NCK2: variants seen among roughly 807,000 people sequenced by gnomAD.
The protein encoded by NCK2 is NCK adaptor protein 2, also known as cytoplasmic protein NCK2.
In NCK2, 16 loss-of-function variants were observed where a neutral mutation model predicts 33.9. That is an observed-to-expected ratio of 0.47 (90% confidence interval 0.32 to 0.72). NCK2 has a LOEUF of 0.72. Ranked by LOEUF, NCK2 falls within the 30% of genes least tolerant of loss-of-function variation. NCK2 has a pLI of 0.03. For synonymous variants in NCK2, 273 were observed against 239.9 expected, an observed-to-expected ratio of 1.14 and a Z score of -1.27; for missense variants, 418 against 537.3, an observed-to-expected ratio of 0.78 and a Z score of 2.19.
intron 3 of NCK2, among the ~76,000 whole-genome samples, chr2:105,867,653 G>T (rs750553259): frequency 5.3e-5 from 8 of 152,188 alleles, no homozygotes; most frequent in Non-Finnish European, 8.8e-5. Context: ...GTTCACAGTG[G>T]GGTGTGTGGG....
intron 2 of NCK2, among the ~76,000 whole-genome samples, chr2:105,817,689 C>T (rs1033316739): frequency 6.6e-5 from 10 of 152,170 alleles, no homozygotes; most frequent in Admixed American, 5.2e-4. Context: ...TGCTCATCAT[C>T]ACTGGCCATC....
rs1178351596 is a variant in NCK2 at position 105,881,521 on chromosome 2, C to T, written c.420C>T (p.Val140=). 1.9e-6 allele frequency: 3 copies of T among 1,613,944 alleles called. No individual in the cohort carries two copies. Among genetic ancestry groups the T allele is most frequent in the Non-Finnish European group, 2.5e-6 (3 of 1,180,022 alleles). Residue 140 remains valine, a synonymous_variant, in exon 4 of 5, where the codon GTC becomes GTT. Coordinates refer to ENST00000233154, the MANE Select transcript of NCK2 (RefSeq NM_003581.5). Reference sequence around the variant, plus strand: ...TGGTGAAGGGGTCGCGCGTCACCGTCATGGAGAAGTGCAGCGACGGTTGGT... The same window carrying T: ...TGGTGAAGGGGTCGCGCGTCACCGTTATGGAGAAGTGCAGCGACGGTTGGT... ...LSLVKGSRVT[V]MEKCSDGWWR...
rs4012805 is a variant in NCK2, at chr2:105,893,999, G to GCACA, written c.*841_*844dup. ...CAACACTTTATACACACACACACGT[G>GCACA]CACACACACACACACACACACTATA... On this transcript the variant is annotated 3_prime_UTR_variant, in exon 5 of 5. Coordinates refer to ENST00000233154, the MANE Select transcript of NCK2 (RefSeq NM_003581.5). The GCACA allele has an allele frequency of 0.35, 52,575 of 149,250 alleles. 9,566 individuals are homozygous for GCACA. Among genetic ancestry groups the GCACA allele is most frequent in the South Asian group, 0.45 (2,094 of 4,692 alleles). 9.2% of individuals were successfully genotyped at this position (149,250 alleles called of 1,614,324 possible).
chr2:105,869,323 C>G (rs1677894274), intron 3 of NCK2, among the ~76,000 whole-genome samples: 1 of 152,190 alleles, frequency 6.6e-6, no homozygotes, highest in Non-Finnish European at 1.5e-5. Context: ...GCAGCCATCA[C>G]CTGGGCTCCT....
At chr2:105,879,877 C>G (rs1297381685) in intron 3 of NCK2, among the ~76,000 whole-genome samples, 1 of 152,196 alleles carries the variant, frequency 6.6e-6, no homozygotes, top group Non-Finnish European at 1.5e-5. Flanking sequence ...CATGGAAGTG[C>G]TTGGAGGAAG....
rs184932336 is a variant in NCK2, at chr2:105,806,517, C to T, written c.-200-9913C>T. Among the ~76,000 whole-genome samples the T allele has an allele frequency of 9.1e-4, 139 of 152,314 alleles. 1 individual carries two copies. The highest frequency in any genetic ancestry group is 1.8e-3 in the Non-Finnish European group (121 of 68,018). On this transcript the variant is annotated intron_variant, in intron 1 of 4. Transcript: ENST00000233154. The stretch of plus-strand genomic sequence containing the variant: ...CCTCCCAAAGTGCTGGGATTACAGG[C>T]GTGAGCCACCACTCCCGGCCACATA...
chr2:105,799,913 T>C (rs1187115126), intron 1 of NCK2, among the ~76,000 whole-genome samples: 1 of 152,164 alleles, frequency 6.6e-6, no homozygotes, highest in Non-Finnish European at 1.5e-5. Context: ...TTTTTAACAG[T>C]GAGAGAAACA....
intron 3 of NCK2, among the ~76,000 whole-genome samples, chr2:105,864,089 T>G (rs941994630): frequency 6.6e-6 from 1 of 151,508 alleles, no homozygotes; most frequent in African/African-American, 2.4e-5. Flanking sequence ...GCAAGAGGGC[T>G]GGGGCAGCCT....
chr2:105,864,196 G>A (rs1424621876), intron 3 of NCK2, among the ~76,000 whole-genome samples: 1 of 152,054 alleles, frequency 6.6e-6, no homozygotes, highest in Non-Finnish European at 1.5e-5. Context: ...GTGCTGGGGT[G>A]TCCGGCAGGG....
chr2:105,883,156 G>A (rs1678577784), intron 4 of NCK2, among the ~76,000 whole-genome samples: 1 of 152,160 alleles, frequency 6.6e-6, no homozygotes, highest in Non-Finnish European at 1.5e-5. Context: ...GGGAATGCCA[G>A]GCTGAAAGCT....
chr2:105,768,258 C>T (rs1690012090), intron 1 of NCK2, among the ~76,000 whole-genome samples: 1 of 152,228 alleles, frequency 6.6e-6, no homozygotes, highest in Admixed American at 6.5e-5. Context: ...GACTCACCAC[C>T]CCTTGAGTGC....
intron 2 of NCK2, among the ~76,000 whole-genome samples, chr2:105,817,049 A>G (rs996732622): frequency 1.3e-5 from 2 of 152,120 alleles, no homozygotes; most frequent in Admixed American, 1.3e-4. Context: ...GGTGGCGTGC[A>G]CATGTAGTCT....
chr2:105,815,339 ATCT>A (rs1472496183), intron 1 of NCK2, among the ~76,000 whole-genome samples: 1 of 151,024 alleles, frequency 6.6e-6, no homozygotes, highest in East Asian at 1.9e-4. Flanking sequence ...TATTTGAATT[ATCT>A]TCTTATCTTT....
chr2:105,890,739 C>A (rs1678935178), intron 4 of NCK2, among the ~76,000 whole-genome samples: 2 of 152,226 alleles, frequency 1.3e-5, no homozygotes, highest in South Asian at 4.1e-4. Context: ...CAATTTGAGT[C>A]TTCTCAGACA....
chr2:105,835,407 G>GTATGTATATATA (rs1491345836), intron 2 of NCK2, among the ~76,000 whole-genome samples: 407 of 19,348 alleles, frequency 0.021, 5 homozygotes, highest in East Asian at 0.045. Context: ...ATATATATAC[G>GTATGTATATATA]TGTATATATA....
At chr2:105,864,007 C>T (rs960104413) in intron 3 of NCK2, among the ~76,000 whole-genome samples, 10 of 151,842 alleles carry the variant, frequency 6.6e-5, no homozygotes, top group Non-Finnish European at 1.5e-4. Flanking sequence ...ATGCAGAGTG[C>T]AAGTGAGGAT....
intron 1 of NCK2, among the ~76,000 whole-genome samples, chr2:105,808,780 C>T (rs149531372): frequency 6.6e-5 from 10 of 152,246 alleles, no homozygotes; most frequent in African/African-American, 9.6e-5. Flanking sequence ...ACAGGAAAAT[C>T]GGGACACTAA....
At chr2:105,773,576 T>C (rs1466807998) in intron 1 of NCK2, among the ~76,000 whole-genome samples, 1 of 152,168 alleles carries the variant, frequency 6.6e-6, no homozygotes, top group Admixed American at 6.5e-5. Context: ...TCCCCAGTCC[T>C]CTGTCAGCAC....
At chr2:105,795,907 C>T (rs1691068622) in intron 1 of NCK2, among the ~76,000 whole-genome samples, 1 of 152,170 alleles carries the variant, frequency 6.6e-6, no homozygotes, top group South Asian at 2.1e-4. Flanking sequence ...GTATTTACAT[C>T]TAGGACTTTA....
Sources: allele counts gnomAD v4.1 joint callset (sites outside exome capture counted in the v4.1 genomes callset), GRCh38; gene constraint gnomAD v4.1.1; transcripts MANE v1.5; gene names NCBI Gene and HGNC (gene_info 2026-07-23, HGNC 2026-07-21).